Variants in TMTC2 observed in about 807,000 individuals in gnomAD.
TMTC2 encodes transmembrane O-mannosyltransferase targeting cadherins 2.
A neutral mutation model predicts 82.4 loss-of-function variants in TMTC2; 43 were observed. The observed-to-expected ratio is 0.52, with a 90% CI of 0.41 to 0.67. TMTC2 has a LOEUF of 0.67. Ranked by LOEUF, TMTC2 falls within the 30% of genes least tolerant of loss-of-function variation. TMTC2 has a pLI of 0.00. For synonymous variants in TMTC2, 408 were observed against 381.9 expected (o/e 1.07, Z -0.80); for missense variants, 919 against 1,012.4 (o/e 0.91, Z 1.25).
intron 2 of TMTC2, among the ~76,000 whole-genome samples, chr12:82,888,612 G>A (rs1370771971): frequency 6.6e-6 from 1 of 152,180 alleles, no homozygotes; most frequent in African/African-American, 2.4e-5. Flanking sequence ...CTTTGTGTGG[G>A]ATATTGGGAG....
chr12:82,801,690 G>A (rs1592532843), intron 1 of TMTC2, among the ~76,000 whole-genome samples: 2 of 152,164 alleles, frequency 1.3e-5, no homozygotes, highest in Middle Eastern at 3.4e-3. Flanking sequence ...GACACAGGGT[G>A]CTGATTGATG....
At chr12:83,131,414 C>CT (rs148400170) in intron 11 of TMTC2, among the ~76,000 whole-genome samples, 5,886 of 152,144 alleles carry the variant, frequency 0.039, 384 homozygotes, top group African/African-American at 0.13. Flanking sequence ...CACTTTTAAC[C>CT]TTTTTTCCAC....
rs377598987 is a variant in TMTC2, at chr12:83,074,173, G to A, written c.2331+12342G>A. ...CTTTTGTACCACGTGGTGTTCGCTT[G>A]ATGTAGTACTCCTCCCCCTTTTCCT... On this transcript the variant is annotated intron_variant, in intron 11 of 11. Transcript: ENST00000321196. Among the ~76,000 whole-genome samples the A allele has an allele frequency of 8.1e-4, 124 of 152,250 alleles. 3 individuals carry two copies. The South Asian group carries it at 0.025, about 30-fold the overall frequency.
At chr12:82,823,029 G>A (rs1005077734) in intron 1 of TMTC2, among the ~76,000 whole-genome samples, 5 of 152,190 alleles carry the variant, frequency 3.3e-5, no homozygotes, top group Non-Finnish European at 5.9e-5. Flanking sequence ...TTAAGAGAAA[G>A]TGCTAGTATT....
At chr12:82,708,351 A>G (rs1426432481) in intron 1 of TMTC2, among the ~76,000 whole-genome samples, 4 of 152,202 alleles carry the variant, frequency 2.6e-5, no homozygotes, top group Non-Finnish European at 5.9e-5. Flanking sequence ...TGAAAGCTCA[A>G]GGTCAGACTT....
intron 4 of TMTC2, among the ~76,000 whole-genome samples, chr12:82,938,121 C>T (rs1462362529): frequency 6.6e-6 from 1 of 151,624 alleles, no homozygotes; most frequent in Non-Finnish European, 1.5e-5. Flanking sequence ...GCCATGTTGG[C>T]CAGGCTGGTC....
intron 8 of TMTC2, among the ~76,000 whole-genome samples, chr12:83,021,004 T>A (rs1329182381): frequency 6.6e-6 from 1 of 152,198 alleles, no homozygotes; most frequent in Non-Finnish European, 1.5e-5. Context: ...TAAATACATA[T>A]TTATGAAAGG....
At chr12:82,946,966 T>A (rs1460697161) in intron 4 of TMTC2, among the ~76,000 whole-genome samples, 1 of 151,956 alleles carries the variant, frequency 6.6e-6, no homozygotes, top group Non-Finnish European at 1.5e-5. Flanking sequence ...ATGGTCTCGA[T>A]CTCCTGACCT....
chr12:83,011,652 A>G lies in TMTC2; in HGVS notation c.2071-19146A>G, dbSNP rs12320859. 7.9e-3 allele frequency among the ~76,000 whole-genome samples: 1,204 copies of G among 152,142 alleles called. 13 individuals are homozygous for G. The highest frequency in any genetic ancestry group is 0.027 in the African/African-American group (1,132 of 41,496). ...TTCACTCATTCTTTGTCTTTTCCAA[A>G]CTTGGTGCTGCCTTGGTCTATAATA... On this transcript the variant is annotated intron_variant, in intron 8 of 11. Coordinates refer to ENST00000321196, the MANE Select transcript of TMTC2 (RefSeq NM_152588.3).
intron 1 of TMTC2, among the ~76,000 whole-genome samples, chr12:82,737,361 GA>G (rs1875180141): frequency 6.6e-6 from 1 of 152,050 alleles, no homozygotes. Context: ...ACCACTGTGA[GA>G]GTAATGGTAA....
intron 4 of TMTC2, among the ~76,000 whole-genome samples, chr12:82,937,180 A>T (rs527426911): frequency 1.3e-5 from 2 of 152,240 alleles, no homozygotes; most frequent in Non-Finnish European, 2.9e-5. Flanking sequence ...ATAGCTTAAG[A>T]TAGAAATTTA....
chr12:82,956,521 C>G (rs1018824977), intron 4 of TMTC2, among the ~76,000 whole-genome samples: 1 of 152,130 alleles, frequency 6.6e-6, no homozygotes, highest in African/African-American at 2.4e-5. Flanking sequence ...ATGATCTCAG[C>G]TCACTGCACC....
At chr12:82,692,753 G>A (rs572039047) in intron 1 of TMTC2, among the ~76,000 whole-genome samples, 3 of 152,228 alleles carry the variant, frequency 2.0e-5, no homozygotes, top group East Asian at 3.9e-4. Flanking sequence ...GGAAAGGAAC[G>A]GTGGGTTATT....
At chr12:82,825,249 ATTT>A (rs1043746893) in intron 1 of TMTC2, among the ~76,000 whole-genome samples, 3 of 152,208 alleles carry the variant, frequency 2.0e-5, no homozygotes, top group African/African-American at 4.8e-5. Flanking sequence ...TTGAAAAAAC[ATTT>A]TTTGAACTAT....
chr12:82,729,793 C>G (rs1442839779), intron 1 of TMTC2, among the ~76,000 whole-genome samples: 4 of 152,318 alleles, frequency 2.6e-5, no homozygotes, highest in South Asian at 4.1e-4. Flanking sequence ...TTCTTTTGCT[C>G]TTTGCAATAA....
chr12:83,004,731 T>TTATTTTA (rs1880083851), intron 8 of TMTC2, among the ~76,000 whole-genome samples: 1 of 43,334 alleles, frequency 2.3e-5, no homozygotes, highest in Non-Finnish European at 4.0e-5. Flanking sequence ...AATTTTTTTT[T>TTATTTTA]TTTTTTTTTT....
intron 2 of TMTC2, among the ~76,000 whole-genome samples, chr12:82,869,969 T>A (rs886744320): frequency 2.6e-5 from 4 of 152,196 alleles, no homozygotes; most frequent in Non-Finnish European, 5.9e-5. Context: ...CCAGGTTGAA[T>A]GCTTTTGTCA....
chr12:82,731,194 G>C (rs1256502930), intron 1 of TMTC2, among the ~76,000 whole-genome samples: 1 of 152,172 alleles, frequency 6.6e-6, no homozygotes, highest in Non-Finnish European at 1.5e-5. Flanking sequence ...CATACCACTT[G>C]ATAGTTGTCA....
intron 8 of TMTC2, among the ~76,000 whole-genome samples, chr12:83,003,649 A>T (rs1880022552): frequency 6.6e-6 from 1 of 152,024 alleles, no homozygotes; most frequent in Non-Finnish European, 1.5e-5. Context: ...GCTGAGAAGG[A>T]TTTTATTTCT....
Sources: gnomAD v4.1 joint callset for allele counts (sites outside exome capture counted in the v4.1 genomes callset) on GRCh38, gnomAD v4.1.1 for gene constraint, MANE v1.5 for transcripts, NCBI Gene and HGNC (gene_info 2026-07-23, HGNC 2026-07-21) for gene names.